The following DNAAF4 variants were observed in gnomAD, a reference collection of about 807,000 sequenced individuals.
The protein encoded by DNAAF4 is dynein axonemal assembly factor 4, also known as dynein assembly factor 4, axonemal.
Under a neutral mutation model 51.8 loss-of-function variants are expected in DNAAF4, and 43 were observed. That is an observed-to-expected ratio of 0.83 (90% CI 0.65 to 1.07). The LOEUF (loss-of-function observed/expected upper bound fraction) is 1.07. Ranked by LOEUF, DNAAF4 falls within the 50% of genes least tolerant of loss-of-function variation. The probability of loss-of-function intolerance (pLI) is 0.00; values close to 1 mark genes in which losing one functional copy is unlikely to be tolerated. For missense variants in DNAAF4, 581 were observed against 493.0 expected (o/e 1.18, Z -1.69); for synonymous variants, 194 against 165.6 (o/e 1.17, Z -1.32).
chr15:55,482,696 AAAC>A lies in DNAAF4; in HGVS notation c.405+8424_405+8426del, dbSNP rs2058429024. 4.6e-5 allele frequency among the ~76,000 whole-genome samples: 7 copies of A among 152,160 alleles called. No homozygotes were observed. In the South Asian group the frequency reaches 1.5e-3, roughly 32 times the overall value. ...TCCATCTCAAAAACAAAACAAAACA[AAAC>A]AAAAAACAGATACTTAAATACTAGA... On this transcript the variant is annotated intron_variant, in intron 4 of 9. Coordinates refer to ENST00000321149, the MANE Select transcript of DNAAF4 (RefSeq NM_130810.4).
intron 1 of DNAAF4, among the ~76,000 whole-genome samples, chr15:55,500,992 CAAAAA>C (rs111778667): frequency 9.1e-5 from 6 of 65,972 alleles, no homozygotes; most frequent in Admixed American, 2.0e-4. Flanking sequence ...AACTGAGTCT[CAAAAA>C]AAAAAAAAAA....
intron 4 of DNAAF4, among the ~76,000 whole-genome samples, chr15:55,475,472 G>A (rs2058323779): frequency 6.6e-6 from 1 of 152,110 alleles, no homozygotes; most frequent in Non-Finnish European, 1.5e-5. Context: ...GATGAGCCTG[G>A]CAATTTTACT....
At chr15:55,477,180 A>T (rs189627924) in intron 4 of DNAAF4, among the ~76,000 whole-genome samples, 1 of 152,102 alleles carries the variant, frequency 6.6e-6, no homozygotes, top group Non-Finnish European at 1.5e-5. Flanking sequence ...TCAAAAAAAA[A>T]ATAAAAAAAG....
chr15:55,461,562 C>T (rs903091313), intron 5 of DNAAF4, among the ~76,000 whole-genome samples: 16 of 152,052 alleles, frequency 1.1e-4, no homozygotes, highest in African/African-American at 2.4e-4. Context: ...GAAATCAAGA[C>T]GGAAATTTTA....
chr15:55,449,071 C>T (rs1283857359), intron 6 of DNAAF4, among the ~76,000 whole-genome samples: 1 of 150,204 alleles, frequency 6.7e-6, no homozygotes, highest in Non-Finnish European at 1.5e-5. Flanking sequence ...CTCATTGCAA[C>T]CTCTGACCCC....
rs2057555876 is a variant in DNAAF4, at chr15:55,433,940, T to TATA, written c.1047+962_1047+964dup. On this transcript the variant is annotated intron_variant, in intron 8 of 9. Transcript: ENST00000321149. ...TATATATATTATATTATATAAAATA[T>TATA]ATATAATATATATAATATATATAAT... Among the ~76,000 whole-genome samples, 13 of 1,834 alleles carry TATA rather than the reference T, an allele frequency of 7.1e-3. 1 individual carries two copies. Among genetic ancestry groups the TATA allele is most frequent in the African/African-American group, 0.025 (11 of 434 alleles). 1.2% of individuals were successfully genotyped at this position (1,834 alleles called of 152,430 possible).
rs7169666 is a variant in DNAAF4, at chr15:55,475,127, C to T, written c.406-7966G>A. On this transcript the variant is annotated intron_variant, in intron 4 of 9. Coordinates refer to ENST00000321149, the MANE Select transcript of DNAAF4 (RefSeq NM_130810.4). Reference sequence around the variant, plus strand: ...TCTCAATATTATAAGTATGTTGATGCGCTGCAAATTTACAAAGTCAATGTA... The same window carrying T: ...TCTCAATATTATAAGTATGTTGATGTGCTGCAAATTTACAAAGTCAATGTA... 8.0e-3 allele frequency among the ~76,000 whole-genome samples: 1,218 copies of T among 152,176 alleles called. 13 individuals carry two copies. The highest frequency in any genetic ancestry group is 0.024 in the African/African-American group (1,002 of 41,494).
intron 6 of DNAAF4, chr15:55,442,631 T>G (rs530575720): frequency 1.2e-5 from 19 of 1,526,104 alleles, no homozygotes; most frequent in Non-Finnish European, 1.7e-5. Flanking sequence ...CCAGCAGCTC[T>G]TTATGTCAGA....
chr15:55,504,242 C>T (rs886184123), intron 1 of DNAAF4, among the ~76,000 whole-genome samples: 4 of 152,096 alleles, frequency 2.6e-5, no homozygotes, highest in African/African-American at 7.2e-5. Flanking sequence ...TCAAGGAGAA[C>T]TACAAAACAC....
At position 55,462,631 on chromosome 15, in the gene DNAAF4, C is replaced by CAA. The variant is rs34906064; in HGVS notation, c.637+4297_637+4298dup. ...ATACCAAAACCAGGAAAGGACATAA[C>CAA]AAAAAAAAAAAAAAGAAAACTACAG... is the stretch of plus-strand genomic sequence containing the variant. On this transcript the variant is annotated intron_variant, in intron 5 of 9. Transcript: ENST00000321149. Among the ~76,000 whole-genome samples, 41 of 110,432 alleles carry CAA rather than the reference C, an allele frequency of 3.7e-4. 1 individual carries two copies. The highest frequency in any genetic ancestry group is 3.3e-4 in the Non-Finnish European group (17 of 51,992). 72.4% of individuals were successfully genotyped at this position (110,432 alleles called of 152,430 possible). A position where few individuals can be genotyped will look rare whatever the true frequency, so the allele number is the denominator to read the frequency against.
At chr15:55,426,665 C>G (rs1397781538), downstream of DNAAF4, among the ~76,000 whole-genome samples, 1 of 152,126 alleles carries the variant, frequency 6.6e-6, no homozygotes, top group Admixed American at 6.6e-5. Flanking sequence ...GGTGATCCGC[C>G]CATCTCAGCC....
intron 1 of DNAAF4, among the ~76,000 whole-genome samples, chr15:55,502,120 C>T (rs1000562569): frequency 2.0e-5 from 3 of 151,928 alleles, no homozygotes; most frequent in Non-Finnish European, 4.4e-5. Flanking sequence ...ATATGCCCTT[C>T]AGCCAGAGAC....
At chr15:55,429,599 C>T (rs147809659), downstream of DNAAF4, among the ~76,000 whole-genome samples, 7,992 of 151,200 alleles carry the variant, frequency 0.053, 305 homozygotes, top group South Asian at 0.097. Flanking sequence ...GGGTGGATCA[C>T]GAAATCAGGA....
intron 4 of DNAAF4, among the ~76,000 whole-genome samples, chr15:55,486,260 C>T (rs1375343074): frequency 6.7e-6 from 1 of 149,852 alleles, no homozygotes; most frequent in African/African-American, 2.5e-5. Flanking sequence ...ATGGCATGAT[C>T]TCAGCTCACT....
intron 7 of DNAAF4, among the ~76,000 whole-genome samples, chr15:55,437,199 C>G (rs557404293): frequency 2.6e-4 from 40 of 152,286 alleles, no homozygotes; most frequent in Middle Eastern, 6.8e-3. Flanking sequence ...CTCCTGATTT[C>G]TGTTGTTAAG....
At chr15:55,443,402 T>G (rs2057746356) in intron 6 of DNAAF4, 1 of 613,708 alleles carries the variant, frequency 1.6e-6, no homozygotes. Flanking sequence ...GCTCTAGCCC[T>G]GGATGGCACA....
At chr15:55,427,462 GT>G (rs530111807), downstream of DNAAF4, among the ~76,000 whole-genome samples, 565 of 152,218 alleles carry the variant, frequency 3.7e-3, 5 homozygotes, top group African/African-American at 0.013. Context: ...GATTGGAGCT[GT>G]TTTCTTGTGC....
At chr15:55,500,992 C>CAAA (rs111778667) in intron 1 of DNAAF4, among the ~76,000 whole-genome samples, 2 of 65,974 alleles carry the variant, frequency 3.0e-5, no homozygotes, top group Admixed American at 2.0e-4. Flanking sequence ...AACTGAGTCT[C>CAAA]AAAAAAAAAA....
At chr15:55,474,278 A>G (rs2058306294) in intron 4 of DNAAF4, among the ~76,000 whole-genome samples, 1 of 152,160 alleles carries the variant, frequency 6.6e-6, no homozygotes, top group Non-Finnish European at 1.5e-5. Flanking sequence ...GCTCACGCCT[A>G]TAATCTCAAC....
Sources: allele counts gnomAD v4.1 joint callset (sites outside exome capture counted in the v4.1 genomes callset), GRCh38; gene constraint gnomAD v4.1.1; transcripts MANE v1.5; gene names NCBI Gene and HGNC (gene_info 2026-07-23, HGNC 2026-07-21).